The following TTC14 variants were observed in gnomAD, a reference collection of about 807,000 sequenced individuals.
TTC14 encodes the protein tetratricopeptide repeat domain 14.
TTC14 carries 63 observed loss-of-function variants against 79.9 expected under a neutral mutation model. That is an observed-to-expected ratio of 0.79 (90% confidence interval 0.64 to 0.97). TTC14 has a LOEUF of 0.97. Ranked by LOEUF, TTC14 falls within the 50% of genes least tolerant of loss-of-function variation. The probability of loss-of-function intolerance (pLI) is 0.00; values close to 1 mark genes in which losing one functional copy is unlikely to be tolerated. For synonymous variants in TTC14, 335 were observed against 309.6 expected (o/e 1.08, Z -0.86); for missense variants, 895 against 894.0 (o/e 1.00, Z -0.01).
At chr3:180,608,133 T>A (rs1716793359) in intron 10 of TTC14, 2 of 1,010,462 alleles carry the variant, frequency 2.0e-6, no homozygotes, top group Non-Finnish European at 2.4e-6. Flanking sequence ...ATGATGATGT[T>A]TTCTCATGCA....
intron 9 of TTC14, 77 bp from the exon 10 acceptor site, chr3:180,607,571 T>C: frequency 6.8e-7 from 1 of 1,473,568 alleles, no homozygotes; most frequent in Non-Finnish European, 9.0e-7. Flanking sequence ...CTCTCTCATA[T>C]AAGCCTTTGA....
chr3:180,604,116 T>C (rs1404319079), intron 3 of TTC14, 109 bp from the exon 4 acceptor site: 1 of 887,684 alleles, frequency 1.1e-6, no homozygotes, highest in Non-Finnish European at 1.8e-6. Context: ...ATTTTTACTT[T>C]AGGTTGTTCA....
At chr3:180,616,188 C>G in intron 12 of TTC14, 1 of 1,024,994 alleles carries the variant, frequency 9.8e-7, no homozygotes, top group Non-Finnish European at 1.5e-6. Context: ...GTGCATGGGC[C>G]TGCCTAACAG....
rs374248523 is a variant in TTC14, at chr3:180,603,572, AAG to A, written c.486+252_486+253del. ...CACAGTGTTCTTTTCTAAATGCTCA[AAG>A]AGGTATCAGTGGACGTGGTGAGGTT... On this transcript the variant is annotated intron_variant, in intron 3 of 11. Coordinates refer to ENST00000296015, the MANE Select transcript of TTC14 (RefSeq NM_133462.4). The A allele has an allele frequency of 7.8e-4, 374 of 476,734 alleles. 3 individuals are homozygous for A. Among genetic ancestry groups the A allele is most frequent in the African/African-American group, 6.8e-3 (348 of 51,390 alleles). 29.5% of individuals were successfully genotyped at this position (476,734 alleles called of 1,614,324 possible). A position where few individuals can be genotyped will look rare whatever the true frequency, so the allele number is the denominator to read the frequency against.
chr3:180,616,838 T>C (rs767461670), intron 12 of TTC14: 2 of 1,610,448 alleles, frequency 1.2e-6, no homozygotes, highest in African/African-American at 1.3e-5. Context: ...GTTTGGTCAC[T>C]CTTTCTAATT....
downstream of TTC14, among the ~76,000 whole-genome samples, chr3:180,611,687 C>T (rs1023305463): frequency 3.3e-5 from 5 of 152,138 alleles, 1 homozygote; most frequent in Admixed American, 3.3e-4. Flanking sequence ...GTCATAGGTA[C>T]TGGGTTTATG....
intron 6 of TTC14, 89 bp downstream of exon 6, chr3:180,605,096 C>T (rs905078272): frequency 1.5e-6 from 2 of 1,310,114 alleles, no homozygotes; most frequent in Admixed American, 4.9e-5. Context: ...ATTTTACCAT[C>T]CTAAGCCACC....
At chr3:180,616,226 CACTT>C in intron 12 of TTC14, 4 of 1,465,398 alleles carry the variant, frequency 2.7e-6, no homozygotes, top group South Asian at 2.3e-5. Context: ...TGGCTGGAAT[CACTT>C]AGTGTACAGC....
rs895411006 is a variant in TTC14 at position 180,610,649 on chromosome 3, G to T, written c.*107G>T. On this transcript the variant is annotated 3_prime_UTR_variant, in exon 12 of 12. Transcript: ENST00000296015. The stretch of plus-strand genomic sequence containing the variant: ...GAAATCTCTGCTTCTAAAATTATTT[G>T]TAGAGATTACAGGAAACAAATGCTT... 1.7e-5 allele frequency: 25 copies of T among 1,470,132 alleles called. No homozygotes were observed. The highest frequency in any genetic ancestry group is 2.2e-5 in the Non-Finnish European group (24 of 1,115,552). The allele number at this position is 1,470,132 out of a possible 1,614,324, so 91.1% of individuals were successfully genotyped here. A position where few individuals can be genotyped will look rare whatever the true frequency, so the allele number is the denominator to read the frequency against.
Position 180,616,671 on chromosome 3 carries a change from G to A in TTC14, c.1775-709G>A, listed in dbSNP as rs574993914. ...TCATCTTTTGTGTCTTTCAAAAGAC[G>A]GATTTCCTTTGTGAGTTTTGCACAC... On this transcript the variant is annotated intron_variant, in intron 12 of 12. Transcript: ENST00000382584. 3.9e-5 allele frequency: 62 copies of A among 1,590,454 alleles called. No homozygotes were observed. The East Asian group carries it at 7.2e-4, about 19-fold the overall frequency.
chr3:180,602,175 C>T lies in TTC14; in HGVS notation c.-87C>T. On this transcript the variant is annotated 5_prime_UTR_variant, in exon 1 of 12. Transcript: ENST00000296015. ...TCCGGCAGCCTCCAGACAGTTTCTTCCGCTTCCTGTACCACCCGGCTCAAG... is the reference window on the plus strand; with the variant it reads ...TCCGGCAGCCTCCAGACAGTTTCTTTCGCTTCCTGTACCACCCGGCTCAAG... 1.3e-6 allele frequency: 2 copies of T among 1,530,718 alleles called. 1 individual carries two copies. Among genetic ancestry groups the T allele is most frequent in the South Asian group, 2.5e-5 (2 of 80,994 alleles). The allele number at this position is 1,530,718 out of a possible 1,614,324, so 94.8% of individuals were successfully genotyped here.
At chr3:180,605,872 C>G (rs1444946310) in intron 7 of TTC14, 35 bp downstream of exon 7, 2 of 1,563,250 alleles carry the variant, frequency 1.3e-6, no homozygotes, top group Non-Finnish European at 1.7e-6. Flanking sequence ...TGCATTATAT[C>G]TAGTCTAAAA....
rs1576925559 is a variant in TTC14, at chr3:180,610,526, A to G, written c.2297A>G (p.Asn766Ser). Residue 766 changes from asparagine to serine, a missense_variant, in exon 12 of 12, where the codon AAT becomes AGT. Coordinates refer to ENST00000296015, the MANE Select transcript of TTC14 (RefSeq NM_133462.4). ...QIAEFEKEKG[N>S]KSKN ...GCTGAATTTGAAAAAGAAAAAGGAAATAAGTCAAAAAATTAATACACCAAG... is the reference window on the plus strand; with the variant it reads ...GCTGAATTTGAAAAAGAAAAAGGAAGTAAGTCAAAAAATTAATACACCAAG... The G allele has an allele frequency of 3.2e-6, 5 of 1,572,314 alleles. No individual in the cohort carries two copies. The East Asian group carries it at 8.9e-5, about 28-fold the overall frequency.
At chr3:180,609,508 GT>G in intron 11 of TTC14, 121 bp from the exon 12 acceptor site, 1 of 1,335,028 alleles carries the variant, frequency 7.5e-7, no homozygotes, top group Non-Finnish European at 9.6e-7. Context: ...CGAGATTATT[GT>G]ATCATTTATC....
At chr3:180,617,279 A>G in intron 12 of TTC14, 2 of 469,534 alleles carry the variant, frequency 4.3e-6, no homozygotes, top group Non-Finnish European at 7.5e-6. Context: ...ATAAAAGTCT[A>G]GCACATACAA....
intron 10 of TTC14, chr3:180,607,991 G>T (rs1452353769): frequency 1.4e-5 from 18 of 1,264,824 alleles, no homozygotes; most frequent in Non-Finnish European, 1.8e-5. Context: ...CCTAAATTTG[G>T]TATGTTGTTT....
Position 180,603,228 on chromosome 3 carries a change from G to A in TTC14, c.391G>A (p.Gly131Arg). The change falls in exon 3 of 12, where the codon GGA becomes AGA. Residue 131 changes from glycine to arginine, a missense_variant. Transcript: ENST00000296015. The stretch of plus-strand genomic sequence containing the variant: ...TATTGAGCGTGGTGATATAGTGATT[G>A]GAAGAATTAGTTCTATTCGGGAATT... ...RDIERGDIVI[G>R]RISSIREFGF... 1 of 1,614,062 alleles carries A rather than the reference G, an allele frequency of 6.2e-7. No individual in the cohort carries two copies. Among genetic ancestry groups the A allele is most frequent in the Non-Finnish European group, 8.5e-7 (1 of 1,179,996 alleles).
rs1716385801 is a variant in TTC14 at position 180,602,187 on chromosome 3, C to T, written c.-75C>T. Reference sequence around the variant, plus strand: ...CAGACAGTTTCTTCCGCTTCCTGTACCACCCGGCTCAAGTAGCGGACACGG... The same window carrying T: ...CAGACAGTTTCTTCCGCTTCCTGTATCACCCGGCTCAAGTAGCGGACACGG... On this transcript the variant is annotated 5_prime_UTR_variant, in exon 1 of 12. Coordinates refer to ENST00000296015, the MANE Select transcript of TTC14 (RefSeq NM_133462.4). The T allele has an allele frequency of 1.3e-6, 2 of 1,564,708 alleles. No individual in the cohort carries two copies. Among genetic ancestry groups the T allele is most frequent in the Non-Finnish European group, 1.7e-6 (2 of 1,153,504 alleles).
chr3:180,604,380 T>A, intron 4 of TTC14, 71 bp downstream of exon 4: 2 of 1,563,274 alleles, frequency 1.3e-6, no homozygotes, highest in Non-Finnish European at 1.7e-6. Flanking sequence ...TTTAAAAAAA[T>A]ACAGTCTAAG....
Sources: gnomAD v4.1 joint callset for allele counts (sites outside exome capture counted in the v4.1 genomes callset) on GRCh38, gnomAD v4.1.1 for gene constraint, MANE v1.5 for transcripts, NCBI Gene and HGNC (gene_info 2026-07-23, HGNC 2026-07-21) for gene names.